The following PTPRD variants were observed in gnomAD, a reference collection of about 807,000 sequenced individuals.
PTPRD encodes the protein receptor-type tyrosine-protein phosphatase delta.
Under a neutral mutation model 214.5 loss-of-function variants are expected in PTPRD, and 34 were observed. That is an observed-to-expected ratio of 0.16 (90% confidence interval 0.12 to 0.21). The LOEUF (loss-of-function observed/expected upper bound fraction) is 0.21, where lower values mean the gene tolerates loss of function less well. Ranked by LOEUF, PTPRD falls within the 10% of genes least tolerant of loss-of-function variation. PTPRD has a pLI of 1.00. For missense variants in PTPRD, 2,545 were observed against 2,398.7 expected (o/e 1.06, Z -1.27); for synonymous variants, 1,128 against 845.7 (o/e 1.33, Z -5.79).
intron 5 of PTPRD, among the ~76,000 whole-genome samples, chr9:9,933,198 T>C (rs1368265002): frequency 6.6e-6 from 1 of 152,186 alleles, no homozygotes; most frequent in Non-Finnish European, 1.5e-5. Flanking sequence ...GCTAACATCA[T>C]AATGACAGGA....
At position 10,611,916 on chromosome 9, in the gene PTPRD, CT is replaced by C. The variant is rs1441523985; in HGVS notation, c.-600+481del. Among the ~76,000 whole-genome samples, 32 of 91,588 alleles carry C rather than the reference CT, an allele frequency of 3.5e-4. 1 individual carries two copies. The highest frequency in any genetic ancestry group is 2.2e-3 in the South Asian group (5 of 2,312). 60.1% of individuals were successfully genotyped at this position (91,588 alleles called of 152,430 possible). ...ACTTTCCCTTTTCCGCCCCCCCCCC[CT>C]TTTTTTTTCTAGAGCTTTTCAGAAC... On this transcript the variant is annotated intron_variant, in intron 2 of 45. Coordinates refer to ENST00000381196, the MANE Select transcript of PTPRD (RefSeq NM_002839.4).
intron 2 of PTPRD, among the ~76,000 whole-genome samples, chr9:10,590,124 G>C (rs1174860477): frequency 6.6e-6 from 1 of 151,930 alleles, no homozygotes. Context: ...AAACTTCTGA[G>C]CACTAGTATA....
intron 12 of PTPRD, among the ~76,000 whole-genome samples, chr9:8,671,821 C>A (rs1415353291): frequency 6.6e-6 from 1 of 152,146 alleles, no homozygotes; most frequent in Admixed American, 6.6e-5. Flanking sequence ...AGAACTGTAT[C>A]TAGAAAGGAC....
intron 10 of PTPRD, among the ~76,000 whole-genome samples, chr9:9,121,779 C>T (rs1037300518): frequency 6.6e-6 from 1 of 152,052 alleles, no homozygotes; most frequent in Non-Finnish European, 1.5e-5. Flanking sequence ...AAATAACTTA[C>T]TCATGTAACC....
At chr9:9,467,297 A>G (rs1468027792) in intron 8 of PTPRD, among the ~76,000 whole-genome samples, 2 of 147,892 alleles carry the variant, frequency 1.4e-5, no homozygotes, top group African/African-American at 2.5e-5. Context: ...CTATCCTAGA[A>G]GTTGAACAGG....
At chr9:10,475,039 T>C (rs964553569) in intron 2 of PTPRD, among the ~76,000 whole-genome samples, 8 of 152,040 alleles carry the variant, frequency 5.3e-5, no homozygotes, top group Admixed American at 2.0e-4. Flanking sequence ...GCAAGAAAGA[T>C]CTAAAATTGA....
chr9:10,410,979 T>C (rs1305544227), intron 2 of PTPRD, among the ~76,000 whole-genome samples: 1 of 151,802 alleles, frequency 6.6e-6, no homozygotes, highest in Non-Finnish European at 1.5e-5. Context: ...CTGAGTTTTA[T>C]TACCTTCATT....
intron 2 of PTPRD, among the ~76,000 whole-genome samples, chr9:10,581,448 T>C (rs1354590360): frequency 6.6e-6 from 1 of 152,222 alleles, no homozygotes; most frequent in Admixed American, 6.5e-5. Flanking sequence ...TCTTTCAACA[T>C]TATGATGAAT....
chr9:10,228,919 G>C (rs150009350), intron 3 of PTPRD, among the ~76,000 whole-genome samples: 2 of 151,736 alleles, frequency 1.3e-5, no homozygotes, highest in Non-Finnish European at 2.9e-5. Flanking sequence ...GCAAAATAGT[G>C]TCTACTATGG....
intron 14 of PTPRD, among the ~76,000 whole-genome samples, chr9:8,611,785 G>C (rs530437587): frequency 3.5e-5 from 5 of 142,522 alleles, no homozygotes; most frequent in African/African-American, 1.3e-4. Flanking sequence ...GAGGGGAGGG[G>C]AGGGGAGAGA....
intron 23 of PTPRD, among the ~76,000 whole-genome samples, chr9:8,502,380 C>T (rs2097428966): frequency 6.6e-6 from 1 of 151,948 alleles, no homozygotes; most frequent in Non-Finnish European, 1.5e-5. Context: ...GACTTTGTGA[C>T]TCTTAACATT....
chr9:10,586,320 T>C (rs2073872846), intron 2 of PTPRD, among the ~76,000 whole-genome samples: 1 of 152,012 alleles, frequency 6.6e-6, no homozygotes, highest in Non-Finnish European at 1.5e-5. Flanking sequence ...TTTACAAAGA[T>C]GGTGAGAAGA....
At chr9:9,595,798 G>T (rs1334046985) in intron 7 of PTPRD, among the ~76,000 whole-genome samples, 2 of 151,978 alleles carry the variant, frequency 1.3e-5, no homozygotes, top group African/African-American at 4.8e-5. Flanking sequence ...CAGGGGGAAA[G>T]GGTGGGAAGG....
At chr9:9,319,348 A>T (rs1965191655) in intron 9 of PTPRD, among the ~76,000 whole-genome samples, 1 of 152,186 alleles carries the variant, frequency 6.6e-6, no homozygotes, top group African/African-American at 2.4e-5. Context: ...ATCTGCTAGG[A>T]CTGCTATTTT....
chr9:9,265,146 G>A (rs565042059), intron 9 of PTPRD, among the ~76,000 whole-genome samples: 3 of 151,798 alleles, frequency 2.0e-5, no homozygotes, highest in Admixed American at 6.6e-5. Context: ...TTCTTTTACT[G>A]TAATAGTGGC....
rs866365547 is a variant in PTPRD at position 10,343,826 on chromosome 9, T to C, written c.-599-2809A>G. 3.3e-5 allele frequency among the ~76,000 whole-genome samples: 5 copies of C among 152,072 alleles called. 1 individual carries two copies. In the Middle Eastern group the frequency reaches 0.01, roughly 310 times the overall value. ...CTTTGCCCACTTTTTGATGGGGTTG[T>C]TTGTTTTTTTCTTGTAAATTTGTTT... On this transcript the variant is annotated intron_variant, in intron 2 of 45. Transcript: ENST00000381196.
At chr9:9,624,979 A>G (rs926444878) in intron 7 of PTPRD, among the ~76,000 whole-genome samples, 1 of 152,202 alleles carries the variant, frequency 6.6e-6, no homozygotes, top group African/African-American at 2.4e-5. Flanking sequence ...AAGGAAGAAA[A>G]ATAAATACTT....
intron 11 of PTPRD, among the ~76,000 whole-genome samples, chr9:8,776,748 A>C (rs920229720): frequency 6.7e-6 from 1 of 149,944 alleles, no homozygotes; most frequent in Admixed American, 6.7e-5. Flanking sequence ...TTTTTAGAAT[A>C]GGCTATTTTT....
rs531522394 is a variant in PTPRD, at chr9:8,468,208, G to C, written c.3505-2533C>G. Among the ~76,000 whole-genome samples the C allele has an allele frequency of 4.6e-5, 7 of 152,086 alleles. No homozygotes were observed. The South Asian group carries it at 1.4e-3, about 32-fold the overall frequency. On this transcript the variant is annotated intron_variant, in intron 31 of 45. Transcript: ENST00000381196. ...CCTGGAGCATCACTCTGCCCCTTTA[G>C]GTTGCTCTAATCTCTGCAGGATGCT...
Sources: allele counts gnomAD v4.1 joint callset (sites outside exome capture counted in the v4.1 genomes callset), GRCh38; gene constraint gnomAD v4.1.1; transcripts MANE v1.5; gene names NCBI Gene and HGNC (gene_info 2026-07-23, HGNC 2026-07-21).